KCNH8: variants seen among roughly 807,000 people sequenced by gnomAD.
KCNH8 encodes the protein potassium voltage-gated channel subfamily H member 8.
In KCNH8, 70 loss-of-function variants were observed where a neutral mutation model predicts 103.6. That is an observed-to-expected ratio of 0.68 (90% confidence interval 0.56 to 0.82). KCNH8 has a LOEUF of 0.82. Among genes scored for constraint, KCNH8 ranks in the 40% least tolerant of loss-of-function variants. The probability of loss-of-function intolerance (pLI) is 0.00; values close to 1 mark genes in which losing one functional copy is unlikely to be tolerated. For synonymous variants in KCNH8, 498 were observed against 489.4 expected (o/e 1.02, Z -0.23); for missense variants, 1,217 against 1,329.9 (o/e 0.92, Z 1.32).
intron 3 of KCNH8, among the ~76,000 whole-genome samples, chr3:19,316,271 C>T (rs1320609750): frequency 6.6e-6 from 1 of 151,770 alleles, no homozygotes; most frequent in Non-Finnish European, 1.5e-5. Context: ...CATCCCTGTT[C>T]TCCACCCACT....
intron 1 of KCNH8, among the ~76,000 whole-genome samples, chr3:19,183,960 A>G (rs1017360386): frequency 6.6e-6 from 1 of 152,120 alleles, no homozygotes; most frequent in Non-Finnish European, 1.5e-5. Context: ...ATTTAGAGAA[A>G]GGGATTTTAA....
rs142167415 is a variant in KCNH8, at chr3:19,161,047, C to A, written c.76+12252C>A. ...AAAAATATGCTGAGGTTGCTAAGAT[C>A]CACAGTATGAATAAACCTATCTGTG... On this transcript the variant is annotated intron_variant, in intron 1 of 15. Transcript: ENST00000328405. 3.3e-5 allele frequency among the ~76,000 whole-genome samples: 5 copies of A among 152,140 alleles called. No individual in the cohort carries two copies. In the East Asian group the frequency reaches 7.7e-4, roughly 23 times the overall value.
chr3:19,167,062 A>G (rs1187669690), intron 1 of KCNH8, among the ~76,000 whole-genome samples: 1 of 152,204 alleles, frequency 6.6e-6, no homozygotes, highest in East Asian at 1.9e-4. Context: ...CTCTGTCACA[A>G]GTGTCTCCTT....
chr3:19,223,077 C>T (rs2063893481), intron 1 of KCNH8, among the ~76,000 whole-genome samples: 1 of 152,052 alleles, frequency 6.6e-6, no homozygotes, highest in African/African-American at 2.4e-5. Context: ...AATTAGCACT[C>T]TAGGTATAAG....
chr3:19,430,322 C>T (rs912899316), intron 7 of KCNH8, among the ~76,000 whole-genome samples: 3 of 152,104 alleles, frequency 2.0e-5, no homozygotes, highest in Non-Finnish European at 2.9e-5. Flanking sequence ...TTCCATTTGT[C>T]TGTGTGCCTA....
intron 3 of KCNH8, among the ~76,000 whole-genome samples, chr3:19,299,466 GA>G (rs942744246): frequency 1.3e-5 from 2 of 151,642 alleles, no homozygotes; most frequent in African/African-American, 4.8e-5. Context: ...CCCCATCTCC[GA>G]AAAAAAGAAA....
intron 3 of KCNH8, among the ~76,000 whole-genome samples, chr3:19,306,315 G>C (rs2065129912): frequency 6.6e-6 from 1 of 151,884 alleles, no homozygotes; most frequent in South Asian, 2.1e-4. Flanking sequence ...CTTTCTATCA[G>C]GTACTTAAAT....
chr3:19,197,946 A>T (rs1190948418), intron 1 of KCNH8, among the ~76,000 whole-genome samples: 6 of 152,080 alleles, frequency 3.9e-5, no homozygotes, highest in African/African-American at 1.4e-4. Flanking sequence ...GGAGCTATTG[A>T]CAAATGCTTT....
Position 19,211,717 on chromosome 3 carries a change from G to A in KCNH8, c.77-41937G>A, listed in dbSNP as rs530363451. On this transcript the variant is annotated intron_variant, in intron 1 of 15. Transcript: ENST00000328405. ...AGGCTCCAAGACTGTGTCAGACAAC[G>A]GTAACTATAATAAAATTGATCTCAG... Among the ~76,000 whole-genome samples the A allele has an allele frequency of 1.2e-3, 185 of 152,030 alleles. 2 individuals carry two copies. Among genetic ancestry groups the A allele is most frequent in the Admixed American group, 3.7e-3 (57 of 15,264 alleles).
chr3:19,263,749 A>G (rs905999389), intron 2 of KCNH8, among the ~76,000 whole-genome samples: 2 of 152,040 alleles, frequency 1.3e-5, no homozygotes, highest in African/African-American at 4.8e-5. Flanking sequence ...GAAGGAGACC[A>G]AAATTCTACC....
intron 3 of KCNH8, among the ~76,000 whole-genome samples, chr3:19,312,323 G>A (rs190859069): frequency 2.6e-5 from 4 of 151,762 alleles, no homozygotes; most frequent in Non-Finnish European, 4.4e-5. Flanking sequence ...GGAAAACAAG[G>A]TTATGTGATC....
intron 5 of KCNH8, among the ~76,000 whole-genome samples, chr3:19,388,499 A>G (rs2066390313): frequency 6.6e-6 from 1 of 152,092 alleles, no homozygotes; most frequent in Non-Finnish European, 1.5e-5. Context: ...TTGCCACGAT[A>G]GCATTTTAAC....
chr3:19,497,678 A>G (rs1018837761), intron 11 of KCNH8, among the ~76,000 whole-genome samples: 1 of 152,282 alleles, frequency 6.6e-6, no homozygotes, highest in African/African-American at 2.4e-5. Flanking sequence ...TGATTTTAGA[A>G]TATGTGCCAT....
At chr3:19,295,088 A>G (rs548556186) in intron 3 of KCNH8, among the ~76,000 whole-genome samples, 1 of 152,286 alleles carries the variant, frequency 6.6e-6, no homozygotes, top group African/African-American at 2.4e-5. Flanking sequence ...CACCAGGCAA[A>G]TATGGTATTA....
intron 1 of KCNH8, among the ~76,000 whole-genome samples, chr3:19,208,774 C>G (rs2063740731): frequency 6.6e-6 from 1 of 151,852 alleles, no homozygotes. Context: ...ATATGGTGTT[C>G]TTCCTATTTG....
intron 1 of KCNH8, among the ~76,000 whole-genome samples, chr3:19,225,733 A>G (rs1297985657): frequency 1.3e-5 from 2 of 151,986 alleles, no homozygotes; most frequent in Non-Finnish European, 2.9e-5. Context: ...TTTTCTATCT[A>G]CTCTGGGAGT....
At chr3:19,359,079 C>T (rs1047133712) in intron 5 of KCNH8, among the ~76,000 whole-genome samples, 4 of 151,786 alleles carry the variant, frequency 2.6e-5, no homozygotes, top group African/African-American at 9.7e-5. Context: ...GGTAGTAACT[C>T]ACATGCTAAA....
At chr3:19,183,679 G>A (rs1299476132) in intron 1 of KCNH8, among the ~76,000 whole-genome samples, 9 of 152,142 alleles carry the variant, frequency 5.9e-5, no homozygotes, top group Non-Finnish European at 8.8e-5. Context: ...CATATTTGAC[G>A]TGGAAGATAC....
At chr3:19,513,911 G>C (rs935110729) in intron 13 of KCNH8, among the ~76,000 whole-genome samples, 3 of 151,994 alleles carry the variant, frequency 2.0e-5, no homozygotes, top group Non-Finnish European at 4.4e-5. Context: ...TTCCGAAGAT[G>C]TTCAGGGGTA....
Sources: gnomAD v4.1 joint callset for allele counts (sites outside exome capture counted in the v4.1 genomes callset) on GRCh38, gnomAD v4.1.1 for gene constraint, MANE v1.5 for transcripts, NCBI Gene and HGNC (gene_info 2026-07-23, HGNC 2026-07-21) for gene names.